Variants in SAMMSON observed in about 807,000 individuals in gnomAD.
The protein encoded by SAMMSON is long intergenic non-protein coding RNA 1212.
intron 4 of SAMMSON, among the ~76,000 whole-genome samples, chr3:70,090,572 C>G (rs1290142275): frequency 1.3e-5 from 2 of 152,120 alleles, no homozygotes; most frequent in Non-Finnish European, 2.9e-5. Context: ...TTTTCGTTCT[C>G]TCTTTATTCA....
chr3:70,044,204 TTTTG>T (rs2067115595), intron 3 of SAMMSON, among the ~76,000 whole-genome samples: 1 of 152,054 alleles, frequency 6.6e-6, no homozygotes, highest in Admixed American at 6.6e-5. Flanking sequence ...GTATTAAGTT[TTTTG>T]TTCTGCTGCC....
intron 9 of SAMMSON, among the ~76,000 whole-genome samples, chr3:70,386,436 A>G (rs922507862): frequency 6.6e-6 from 1 of 152,102 alleles, no homozygotes; most frequent in Non-Finnish European, 1.5e-5. Context: ...AGTATGTAAA[A>G]TGAAAAAAAA....
chr3:70,158,299 A>G (rs987720881), intron 4 of SAMMSON, among the ~76,000 whole-genome samples: 1 of 152,124 alleles, frequency 6.6e-6, no homozygotes, highest in Non-Finnish European at 1.5e-5. Context: ...AAACGGAATC[A>G]TACAATATAT....
chr3:70,300,765 C>T (rs946260489), intron 7 of SAMMSON, among the ~76,000 whole-genome samples: 2 of 151,910 alleles, frequency 1.3e-5, no homozygotes, highest in Non-Finnish European at 2.9e-5. Context: ...GCTATTTGAC[C>T]TAGAGTTCAG....
chr3:70,302,475 C>G (rs1702359300), intron 7 of SAMMSON: 1 of 152,124 alleles, frequency 6.6e-6, no homozygotes, highest in Admixed American at 6.5e-5. Context: ...TAAGACTGCT[C>G]TTTATACTAA....
intron 4 of SAMMSON, among the ~76,000 whole-genome samples, chr3:70,129,807 A>G (rs2067474740): frequency 6.6e-6 from 1 of 152,170 alleles, no homozygotes; most frequent in Admixed American, 6.6e-5. Flanking sequence ...CCATCAAGAG[A>G]TGGGGACTTT....
intron 4 of SAMMSON, among the ~76,000 whole-genome samples, chr3:70,184,600 T>C (rs1365542859): frequency 6.6e-6 from 1 of 152,196 alleles, no homozygotes; most frequent in Non-Finnish European, 1.5e-5. Context: ...AGCACATAAT[T>C]CCTAAAGATT....
intron 9 of SAMMSON, among the ~76,000 whole-genome samples, chr3:70,381,150 G>A (rs972456343): frequency 1.3e-5 from 2 of 152,150 alleles, no homozygotes; most frequent in South Asian, 2.1e-4. Context: ...AGTTCTCATA[G>A]CCCAATGCAG....
At chr3:70,051,147 A>G (rs1163504090) in intron 3 of SAMMSON, among the ~76,000 whole-genome samples, 3 of 148,762 alleles carry the variant, frequency 2.0e-5, no homozygotes, top group Non-Finnish European at 4.5e-5. Flanking sequence ...AAAAAAAAAA[A>G]AAAAAAAAAA....
At chr3:70,173,827 G>A (rs1700983489) in intron 4 of SAMMSON, among the ~76,000 whole-genome samples, 1 of 151,716 alleles carries the variant, frequency 6.6e-6, no homozygotes, top group Non-Finnish European at 1.5e-5. Flanking sequence ...TTCTCCTTGA[G>A]GTGATATTTT....
chr3:70,136,214 G>A (rs1352914980), intron 4 of SAMMSON, among the ~76,000 whole-genome samples: 1 of 152,168 alleles, frequency 6.6e-6, no homozygotes, highest in East Asian at 1.9e-4. Flanking sequence ...ACACCGTTGT[G>A]TAGTCCCCTC....
chr3:70,196,862 CTTG>C (rs1701186597), intron 4 of SAMMSON: 2 of 398,098 alleles, frequency 5.0e-6, no homozygotes, highest in Non-Finnish European at 8.9e-6. Flanking sequence ...GGAAATCAGT[CTTG>C]TTGTAATGGA....
intron 4 of SAMMSON, among the ~76,000 whole-genome samples, chr3:70,179,987 T>C (rs1178864854): frequency 6.9e-6 from 1 of 145,598 alleles, no homozygotes; most frequent in Admixed American, 7.2e-5. Flanking sequence ...ATTTTTATTA[T>C]TTTACCTGTG....
chr3:70,146,374 A>G (rs1001994168), intron 4 of SAMMSON, among the ~76,000 whole-genome samples: 1 of 152,012 alleles, frequency 6.6e-6, no homozygotes, highest in South Asian at 2.1e-4. Flanking sequence ...ATAGAAAACT[A>G]TAGGAAAATA....
chr3:70,421,746 G>A (rs1314875249), intron 2 of SAMMSON, among the ~76,000 whole-genome samples: 1 of 152,008 alleles, frequency 6.6e-6, no homozygotes, highest in Non-Finnish European at 1.5e-5. Flanking sequence ...TGGGTTAATT[G>A]GCTTAATTTT....
chr3:70,139,894 A>G (rs1214406560), intron 4 of SAMMSON, among the ~76,000 whole-genome samples: 1 of 152,128 alleles, frequency 6.6e-6, no homozygotes, highest in Non-Finnish European at 1.5e-5. Context: ...GGCTCCATTG[A>G]GATAGCTGAT....
chr3:70,267,826 T>A (rs1701934918), intron 6 of SAMMSON, among the ~76,000 whole-genome samples: 1 of 152,130 alleles, frequency 6.6e-6, no homozygotes, highest in Non-Finnish European at 1.5e-5. Context: ...AGGTAAAAAA[T>A]GGAAATTTAA....
intron 9 of SAMMSON, among the ~76,000 whole-genome samples, chr3:70,388,281 C>G (rs1410757977): frequency 6.6e-6 from 1 of 152,088 alleles, no homozygotes; most frequent in African/African-American, 2.4e-5. Context: ...TATGTATTAT[C>G]TATGTCTGCT....
chr3:70,082,300 C>T (rs2067270401), intron 4 of SAMMSON, among the ~76,000 whole-genome samples: 4 of 152,140 alleles, frequency 2.6e-5, no homozygotes, highest in African/African-American at 4.8e-5. Context: ...CAAATAATGT[C>T]GATATAATTG....
Sources: gnomAD v4.1 joint callset for allele counts (sites outside exome capture counted in the v4.1 genomes callset) on GRCh38, gnomAD v4.1.1 for gene constraint, MANE v1.5 for transcripts, NCBI Gene and HGNC (gene_info 2026-07-23, HGNC 2026-07-21) for gene names.